The following INSL6 variants were observed in gnomAD, a reference collection of about 807,000 sequenced individuals.
INSL6 encodes the protein insulin like 6, also known as insulin-like peptide INSL6.
A neutral mutation model predicts 9.4 loss-of-function variants in INSL6; 16 were observed. The observed-to-expected ratio is 1.70, with a 90% CI of 1.15 to 2.59. INSL6 has a LOEUF of 2.59. Among genes scored for constraint, INSL6 ranks in the 30% most tolerant of loss-of-function variants. INSL6 has a pLI of 0.00. For missense variants in INSL6, 391 were observed against 257.3 expected (o/e 1.52, Z -3.56); for synonymous variants, 154 against 96.9 (o/e 1.59, Z -3.46).
At chr9:5,081,709 T>C in the INSL6 span, 5 of 1,559,522 alleles carry the variant, frequency 3.2e-6, no homozygotes, top group Admixed American at 1.7e-5. Context: ...GGTGATAATA[T>C]TCTTTATTTC....
the INSL6 span, among the ~76,000 whole-genome samples, chr9:5,113,048 G>T: frequency 6.6e-6 from 1 of 152,074 alleles, no homozygotes; most frequent in African/African-American, 2.4e-5. Flanking sequence ...GTGACGCTGG[G>T]TCCAGGAGCT....
chr9:5,062,601 G>C, the INSL6 span, among the ~76,000 whole-genome samples: 1 of 150,822 alleles, frequency 6.6e-6, no homozygotes, highest in African/African-American at 2.5e-5. Flanking sequence ...CAATAAGAGG[G>C]ATACTAGTTA....
At chr9:5,033,381 TAGAG>T in the INSL6 span, among the ~76,000 whole-genome samples, 2 of 151,998 alleles carry the variant, frequency 1.3e-5, no homozygotes, top group Non-Finnish European at 2.9e-5. Flanking sequence ...ATTCAGGAAA[TAGAG>T]AGAACGCCAC....
the INSL6 span, chr9:5,084,930 A>C: frequency 1.8e-6 from 1 of 568,336 alleles, no homozygotes; most frequent in Admixed American, 2.0e-5. Flanking sequence ...GAAGCAAACA[A>C]AGTGTATTCC....
the INSL6 span, among the ~76,000 whole-genome samples, chr9:5,113,388 T>C: frequency 6.8e-6 from 1 of 146,568 alleles, no homozygotes; most frequent in African/African-American, 2.6e-5. Flanking sequence ...CTAAGCGTAA[T>C]TTTTTTTAAG....
chr9:5,000,415 G>T, the INSL6 span, among the ~76,000 whole-genome samples: 1 of 152,088 alleles, frequency 6.6e-6, no homozygotes, highest in African/African-American at 2.4e-5. Context: ...TTTTAAAAGG[G>T]TATTTACAAA....
At chr9:5,047,946 A>G in the INSL6 span, among the ~76,000 whole-genome samples, 3 of 152,144 alleles carry the variant, frequency 2.0e-5, no homozygotes, top group Non-Finnish European at 4.4e-5. Context: ...CTGAGGGTAC[A>G]TACTATAATA....
chr9:5,068,912 G>A, the INSL6 span: 6 of 642,912 alleles, frequency 9.3e-6, no homozygotes, highest in Non-Finnish European at 1.6e-5. Flanking sequence ...CGGATTCATG[G>A]TTCAAATGTT....
At chr9:5,007,815 C>T in the INSL6 span, among the ~76,000 whole-genome samples, 3 of 151,770 alleles carry the variant, frequency 2.0e-5, no homozygotes, top group Non-Finnish European at 4.4e-5. Flanking sequence ...GCAATCTCTG[C>T]CTCCCAGGTT....
At chr9:5,175,976 C>G (rs1247322648) in intron 1 of INSL6, among the ~76,000 whole-genome samples, 1 of 152,156 alleles carries the variant, frequency 6.6e-6, no homozygotes, top group Non-Finnish European at 1.5e-5. Flanking sequence ...ATTCCCCTCC[C>G]TGGTCCAAGG....
chr9:5,164,224 G>A lies in INSL6; in HGVS notation c.331C>T (p.Gln111Ter). 1 of 1,606,266 alleles carries A rather than the reference G, an allele frequency of 6.2e-7. No individual in the cohort carries two copies. The highest frequency in any genetic ancestry group is 8.5e-7 in the Non-Finnish European group (1 of 1,177,294). The part of the protein sequence containing the change: ...WEEAVNSWEM[Q>*]SLPEYKDKKG... ...TTATCCTTATACTCAGGTAGTGACT[G>A]CATTTCCCAACTGTTTACTGCTTCT... Residue 111 changes from glutamine (Q) to a stop codon, truncating the protein, a stop_gained, in exon 2 of 2, where the codon CAG becomes TAG. Coordinates refer to ENST00000381641, the MANE Select transcript of INSL6 (RefSeq NM_007179.3). LOFTEE classifies it low-confidence loss of function (END_TRUNC).
chr9:5,042,169 C>G, the INSL6 span, among the ~76,000 whole-genome samples: 5 of 127,972 alleles, frequency 3.9e-5, no homozygotes, highest in African/African-American at 1.5e-4. Flanking sequence ...CTCGCTTTGT[C>G]GCCCAGGCCG....
the INSL6 span, among the ~76,000 whole-genome samples, chr9:5,082,105 A>G: frequency 4.6e-5 from 7 of 151,076 alleles, no homozygotes; most frequent in South Asian, 6.2e-4. Context: ...GAGAAAAGAA[A>G]GAAGACACAG....
At chr9:5,178,578 T>G (rs963672026) in intron 1 of INSL6, among the ~76,000 whole-genome samples, 8 of 152,164 alleles carry the variant, frequency 5.3e-5, no homozygotes, top group Non-Finnish European at 1.2e-4. Flanking sequence ...CTCTGTGGTT[T>G]CCTACATCAC....
the INSL6 span, chr9:5,041,427 T>G: frequency 1.6e-5 from 10 of 625,676 alleles, no homozygotes; most frequent in South Asian, 1.4e-4. Context: ...CACATGTTCA[T>G]GTACTTCCTG....
At chr9:5,080,634 G>A in the INSL6 span, 2 of 1,598,180 alleles carry the variant, frequency 1.3e-6, no homozygotes, top group Non-Finnish European at 1.7e-6. Flanking sequence ...CAGATTTCAG[G>A]CCTTCTTTCA....
intron 3 of INSL6, chr9:5,127,135 A>C (rs1824050168): frequency 3.7e-6 from 1 of 268,328 alleles, no homozygotes; most frequent in South Asian, 9.6e-5. Flanking sequence ...TTGCAATGTT[A>C]AAGATGCACA....
At chr9:5,035,147 T>A in the INSL6 span, among the ~76,000 whole-genome samples, 67 of 152,286 alleles carry the variant, frequency 4.4e-4, no homozygotes, top group African/African-American at 1.5e-3. Flanking sequence ...AATGGATAAA[T>A]TCCTGGACAC....
chr9:5,021,927 C>G, the INSL6 span: 2 of 1,296,264 alleles, frequency 1.5e-6, no homozygotes, highest in Non-Finnish European at 2.2e-6. Flanking sequence ...GACACTGCGC[C>G]CAGCCCATTT....
Sources: allele counts gnomAD v4.1 joint callset (sites outside exome capture counted in the v4.1 genomes callset), GRCh38; gene constraint gnomAD v4.1.1; transcripts MANE v1.5; gene names NCBI Gene and HGNC (gene_info 2026-07-23, HGNC 2026-07-21).